SZT2: variants seen among roughly 807,000 people sequenced by gnomAD.
The protein encoded by SZT2 is KICSTOR complex protein SZT2.
In SZT2, 216 loss-of-function variants were observed where a neutral mutation model predicts 404.2. The ratio of observed to expected loss-of-function variants is 0.53; its 90% CI spans 0.48 to 0.60. The LOEUF is 0.60. Among genes scored for constraint, SZT2 ranks in the 20% least tolerant of loss-of-function variants. SZT2 has a pLI of 0.00. For missense variants in SZT2, 3,857 were observed against 4,459.2 expected (o/e 0.86, Z 3.85); for synonymous variants, 1,693 against 1,749.9 (o/e 0.97, Z 0.81).
rs113020037 is a variant in SZT2, at chr1:43,451,581, C to G, written c.*1101C>G. The G allele has an allele frequency of 2.5e-4, 402 of 1,613,456 alleles. No individual in the cohort carries two copies. The African/African-American group carries it at 4.9e-3, about 19-fold the overall frequency. Reference sequence around the variant, plus strand: ...TGTGGACAAATGTGGGGTCCAGGCTCCTGCCAGGGCCTGAAGGACAGATGT... The same window carrying G: ...TGTGGACAAATGTGGGGTCCAGGCTGCTGCCAGGGCCTGAAGGACAGATGT... On this transcript the variant is annotated 3_prime_UTR_variant, in exon 72 of 72. Transcript: ENST00000634258.
chr1:43,453,331 G>A lies in SZT2; in HGVS notation c.*2851G>A. 8.7e-7 allele frequency: 1 copy of A among 1,154,650 alleles called. No homozygotes were observed. The highest frequency in any genetic ancestry group is 1.2e-6 in the Non-Finnish European group (1 of 830,276). 71.5% of individuals were successfully genotyped at this position (1,154,650 alleles called of 1,614,324 possible). A position where few individuals can be genotyped will look rare whatever the true frequency, so the allele number is the denominator to read the frequency against. On this transcript the variant is annotated 3_prime_UTR_variant, in exon 72 of 72. Coordinates refer to ENST00000634258, the MANE Select transcript of SZT2 (RefSeq NM_001365999.1). ...TCAGATCTGGCGTCCTCGACTCCCT[G>A]AACCTGCATCAGGGTCATGGGTCAC...
Position 43,431,816 on chromosome 1 carries a change from C to T in SZT2, c.5189C>T (p.Ser1730Phe), listed in dbSNP as rs767607920. The change falls in exon 36 of 72, where the codon TCT becomes TTT. Residue 1730 changes from serine to phenylalanine, a missense_variant. Ser to Phe is a radical substitution (Grantham distance 155). Coordinates refer to ENST00000634258, the MANE Select transcript of SZT2 (RefSeq NM_001365999.1). ...LHRAAAHIHSSPGRSTCLRQT... is the reference protein window; with the variant it reads ...LHRAAAHIHSFPGRSTCLRQT... ...CGCGCAGCTGCCCATATCCATAGTT[C>T]TCCTGGACGCTCCACCTGCCTTCGC... The T allele has an allele frequency of 3.7e-6, 6 of 1,614,122 alleles. No homozygotes were observed. The East Asian group carries it at 1.1e-4, about 30-fold the overall frequency.
Position 43,422,001 on chromosome 1 carries a change from AC to A in SZT2, c.1627-79del. ...GTCTCTGACTCTCTGAACGGAGTCC[AC>A]CCATGGTTTTGTTTGCTCTTTGGAG... On this transcript the variant is annotated intron_variant, in intron 11 of 71. Transcript: ENST00000634258. 2.7e-6 allele frequency: 4 copies of A among 1,454,928 alleles called. No homozygotes were observed. The East Asian group carries it at 9.3e-5, about 34-fold the overall frequency. 90.1% of individuals were successfully genotyped at this position (1,454,928 alleles called of 1,614,324 possible).
rs370352475 is a variant in SZT2, at chr1:43,425,217, G to C, written c.2645+10G>C. 1 of 1,613,912 alleles carries C rather than the reference G, an allele frequency of 6.2e-7. No homozygotes were observed. The highest frequency in any genetic ancestry group is 1.3e-5 in the African/African-American group (1 of 74,920). The stretch of plus-strand genomic sequence containing the variant: ...CCTCCACCAAAGACAGGTGAGACAG[G>C]CCATCTGTGAGGGCCGCCTCTGCAG... On this transcript the variant is annotated intron_variant, in intron 18 of 71. Transcript: ENST00000634258. The surrounding 1 kb of genome is among the most constrained non-coding windows in gnomAD (Gnocchi z 4.3).
Position 43,437,382 on chromosome 1 carries a change from C to G in SZT2, c.6188-24C>G, listed in dbSNP as rs201957540. ...TGGAAGGATCTGGAAAAGGCAGTTT[C>G]CTGAGCCCATGTTATTCCCCCAGCC... is the stretch of plus-strand genomic sequence containing the variant. On this transcript the variant is annotated intron_variant, in intron 43 of 71. Transcript: ENST00000634258. This position sits in a 1 kb window ranked among gnomAD's most constrained non-coding sequence, Gnocchi z 5.3. The G allele has an allele frequency of 2.5e-6, 4 of 1,614,084 alleles. No homozygotes were observed. The highest frequency in any genetic ancestry group is 3.4e-6 in the Non-Finnish European group (4 of 1,180,000).
In SZT2 at chr1:43,391,799, AGGCCGGGCGCG is replaced by A. The variant is rs1648361852; in HGVS notation, c.27+1806_27+1816del. Among the ~76,000 whole-genome samples, 706 of 130,390 alleles carry A rather than the reference AGGCCGGGCGCG, an allele frequency of 5.4e-3. 286 individuals are homozygous for A. The highest frequency in any genetic ancestry group is 8.0e-3 in the Middle Eastern group (2 of 250). The allele number at this position is 130,390 out of a possible 152,430, so 85.5% of individuals were successfully genotyped here. A position where few individuals can be genotyped will look rare whatever the true frequency, so the allele number is the denominator to read the frequency against. On this transcript the variant is annotated intron_variant, in intron 1 of 71. Transcript: ENST00000634258. ...GATAGCCACATAAAAAAATGAAACA[AGGCCGGGCGCG>A]GTGGCTCACGCCTGTAATCCCAGCA...
chr1:43,428,556 G>T, intron 28 of SZT2, 70 bp downstream of exon 28: 1 of 1,563,340 alleles, frequency 6.4e-7, no homozygotes, highest in South Asian at 1.2e-5. Context: ...GGACCTTCCA[G>T]TCCAGGGGAA....
chr1:43,395,194 A>C (rs559526974), intron 1 of SZT2, among the ~76,000 whole-genome samples: 1 of 152,306 alleles, frequency 6.6e-6, no homozygotes, highest in East Asian at 1.9e-4. Context: ...GTTTACCCCC[A>C]TTCTCTCCTC....
chr1:43,412,695 T>A (rs1298470170), intron 4 of SZT2: 2 of 151,894 alleles, frequency 1.3e-5, no homozygotes, highest in Admixed American at 1.3e-4. Context: ...ATAAACAAAG[T>A]GAGGAAACAA....
At position 43,425,577 on chromosome 1, in the gene SZT2, G is replaced by A; in HGVS notation, c.2749G>A (p.Val917Met). The change falls in exon 19 of 72, where the codon GTG becomes ATG. Residue 917 changes from valine to methionine, a missense_variant. Around this residue, in one of 7 missense-constraint regions of SZT2, gnomAD observed 1,725 missense variants for 1,881.0 expected, o/e 0.92. Transcript: ENST00000634258. The surrounding 1 kb of genome is among the most constrained non-coding windows in gnomAD (Gnocchi z 4.3). The part of the protein sequence containing the change: ...EVWVEPQYGR[V>M]GPGPGIWKHL... ...GTGGGTGGAGCCACAGTATGGGCGA[G>A]TGGGACCTGGCCCTGGAATCTGGAA... The A allele has an allele frequency of 1.2e-6, 2 of 1,614,226 alleles. No homozygotes were observed. Among genetic ancestry groups the A allele is most frequent in the South Asian group, 1.1e-5 (1 of 91,084 alleles).
At chr1:43,428,638 C>A in intron 28 of SZT2, 152 bp downstream of exon 28, 1 of 1,054,076 alleles carries the variant, frequency 9.5e-7, no homozygotes, top group Non-Finnish European at 1.3e-6. Flanking sequence ...GACTCCCATG[C>A]AGCCTTCCTC....
chr1:43,411,910 C>T (rs1651100379), intron 4 of SZT2: 1 of 150,816 alleles, frequency 6.6e-6, no homozygotes, highest in Non-Finnish European at 1.5e-5. Flanking sequence ...TCCCGAGTAG[C>T]TGGGATTACA....
chr1:43,439,217 C>G lies in SZT2; in HGVS notation c.6792+124C>G. 6.5e-7 allele frequency: 1 copy of G among 1,528,478 alleles called. No individual in the cohort carries two copies. The highest frequency in any genetic ancestry group is 9.0e-7 in the Non-Finnish European group (1 of 1,111,478). The allele number at this position is 1,528,478 out of a possible 1,614,324, so 94.7% of individuals were successfully genotyped here. A position where few individuals can be genotyped will look rare whatever the true frequency, so the allele number is the denominator to read the frequency against. On this transcript the variant is annotated intron_variant, in intron 48 of 71. Coordinates refer to ENST00000634258, the MANE Select transcript of SZT2 (RefSeq NM_001365999.1). This position sits in a 1 kb window ranked among gnomAD's most constrained non-coding sequence, Gnocchi z 4.2. ...CCATGGACCTGGGTACACCCATGCCCCCCCGGGGACCATTATTACCCGCCT... is the reference window on the plus strand; with the variant it reads ...CCATGGACCTGGGTACACCCATGCCGCCCCGGGGACCATTATTACCCGCCT...
rs768167577 is a variant in SZT2, at chr1:43,423,311, C to T, written c.2250C>T (p.Leu750=). Residue 750 remains leucine, a synonymous_variant, in exon 15 of 72, where the codon CTC becomes CTT. Transcript: ENST00000634258. ...VVLHKPLDKL[L]IRYEKLPLDY... ...TGCATAAGCCACTGGACAAACTGCT[C>T]ATCAGGTTGGTACAGAGGTGTGGAA... 106 of 1,538,170 alleles carry T rather than the reference C, an allele frequency of 6.9e-5. No individual in the cohort carries two copies. The highest frequency in any genetic ancestry group is 8.6e-5 in the Non-Finnish European group (99 of 1,151,232).
In SZT2 at chr1:43,452,066, ATCAG is replaced by A. The variant is rs952527540; in HGVS notation, c.*1594_*1597del. On this transcript the variant is annotated 3_prime_UTR_variant, in exon 72 of 72. Coordinates refer to ENST00000634258, the MANE Select transcript of SZT2 (RefSeq NM_001365999.1). ...GAGCTCCTTCCCAAGTTTGTCCCCC[ATCAG>A]TCAGTCACTGGTCAAGGCCCTCACC... 1.1e-5 allele frequency: 17 copies of A among 1,564,382 alleles called. No homozygotes were observed. Among genetic ancestry groups the A allele is most frequent in the Middle Eastern group, 1.7e-4 (1 of 5,884 alleles).
At position 43,450,080 on chromosome 1, in the gene SZT2, C is replaced by A. The variant is rs748486514; in HGVS notation, c.10087-23C>A. On this transcript the variant is annotated intron_variant, in intron 70 of 71. Coordinates refer to ENST00000634258, the MANE Select transcript of SZT2 (RefSeq NM_001365999.1). This position sits in a 1 kb window ranked among gnomAD's most constrained non-coding sequence, Gnocchi z 4.3. ...GTGGGAGGGTCTGTAGGGTCTGTGT[C>A]CCCTCCTCATCTTTCACTGCAGGTT... 1 of 1,613,944 alleles carries A rather than the reference C, an allele frequency of 6.2e-7. No homozygotes were observed. Among genetic ancestry groups the A allele is most frequent in the Non-Finnish European group, 8.5e-7 (1 of 1,179,872 alleles).
In SZT2 at chr1:43,439,548, G is replaced by A. The variant is rs565025626; in HGVS notation, c.6878-57G>A. On this transcript the variant is annotated intron_variant, in intron 49 of 71. Coordinates refer to ENST00000634258, the MANE Select transcript of SZT2 (RefSeq NM_001365999.1). The surrounding 1 kb of genome is among the most constrained non-coding windows in gnomAD (Gnocchi z 4.2). ...CAGGCTTGCAGCTGAGTGGAGGGTC[G>A]TGGGAGGGGTGGTCTGCAAGTCCCA... 1.0e-4 allele frequency: 163 copies of A among 1,608,648 alleles called. No individual in the cohort carries two copies. Among genetic ancestry groups the A allele is most frequent in the African/African-American group, 2.5e-4 (19 of 74,828 alleles).
At chr1:43,423,434 G>T in intron 15 of SZT2, 118 bp downstream of exon 15, 1 of 1,022,832 alleles carries the variant, frequency 9.8e-7, no homozygotes, top group South Asian at 1.7e-5. Context: ...TGGCTTAGTG[G>T]GGTATGAGTG....
At chr1:43,429,562 C>T in intron 28 of SZT2, 141 bp from the exon 29 acceptor site, 1 of 1,008,172 alleles carries the variant, frequency 9.9e-7, no homozygotes, top group Non-Finnish European at 1.5e-6. Context: ...TTCTCTTTGC[C>T]TCTTTTACCA....
Sources: allele counts gnomAD v4.1 joint callset (sites outside exome capture counted in the v4.1 genomes callset), GRCh38; gene constraint gnomAD v4.1.1; regional missense constraint gnomAD v4.1.1; non-coding constraint Gnocchi (gnomAD v3.1); transcripts MANE v1.5; gene names NCBI Gene and HGNC (gene_info 2026-07-23, HGNC 2026-07-21).